LDLRAP1: variants seen among roughly 807,000 people sequenced by gnomAD.
The protein encoded by LDLRAP1 is low density lipoprotein receptor adapter protein 1.
LDLRAP1 carries 30 observed loss-of-function variants against 37.8 expected under a neutral mutation model. The observed-to-expected ratio is 0.79, with a 90% confidence interval of 0.59 to 1.08. The LOEUF (loss-of-function observed/expected upper bound fraction) is 1.08, where lower values mean the gene tolerates loss of function less well. LDLRAP1 is among the 50% of genes least tolerant of loss of function. The pLI is 0.00. For missense variants in LDLRAP1, 375 were observed against 401.6 expected (o/e 0.93, Z 0.57); for synonymous variants, 156 against 169.8 (o/e 0.92, Z 0.63).
At chr1:25,584,837 C>A in the LDLRAP1 span, among the ~76,000 whole-genome samples, 1 of 152,176 alleles carries the variant, frequency 6.6e-6, no homozygotes, top group African/African-American at 2.4e-5. Flanking sequence ...GCTCTGAACC[C>A]CAGCTGTCAA....
chr1:25,543,608 A>T lies in LDLRAP1; in HGVS notation c.-91A>T. 1.1e-6 allele frequency: 1 copy of T among 906,974 alleles called. No individual in the cohort carries two copies. The highest frequency in any genetic ancestry group is 1.4e-6 in the Non-Finnish European group (1 of 701,984). The allele number at this position is 906,974 out of a possible 1,614,324, so 56.2% of individuals were successfully genotyped here. A position where few individuals can be genotyped will look rare whatever the true frequency, so the allele number is the denominator to read the frequency against. ...GCGGAGCTGGCGCTGGGAGGGGAGGAGCGCGCAGCCCGCGCGCCGCAGGGC... is the reference window on the plus strand; with the variant it reads ...GCGGAGCTGGCGCTGGGAGGGGAGGTGCGCGCAGCCCGCGCGCCGCAGGGC... On this transcript the variant is annotated 5_prime_UTR_variant, in exon 1 of 9. Coordinates refer to ENST00000374338, the MANE Select transcript of LDLRAP1 (RefSeq NM_015627.3).
At chr1:25,556,010 G>A (rs1382896436) in intron 3 of LDLRAP1, among the ~76,000 whole-genome samples, 1 of 152,258 alleles carries the variant, frequency 6.6e-6, no homozygotes, top group East Asian at 1.9e-4. Context: ...AGAATAATAG[G>A]ATCTAGTTTG....
At chr1:25,559,561 T>G (rs2044293679) in intron 4 of LDLRAP1, among the ~76,000 whole-genome samples, 1 of 152,234 alleles carries the variant, frequency 6.6e-6, no homozygotes, top group Non-Finnish European at 1.5e-5. Context: ...CTTCTCAGGT[T>G]GGGTTGATGG....
chr1:25,569,309 G>A (rs555323829), downstream of LDLRAP1, among the ~76,000 whole-genome samples: 24 of 152,320 alleles, frequency 1.6e-4, no homozygotes, highest in African/African-American at 5.5e-4. Context: ...CTTGCTCCGG[G>A]CTGAACGTGG....
At chr1:25,589,793 C>T in the LDLRAP1 span, among the ~76,000 whole-genome samples, 1 of 152,104 alleles carries the variant, frequency 6.6e-6, no homozygotes, top group East Asian at 1.9e-4. Flanking sequence ...TTGTGTGGGC[C>T]AACTCCCATA....
downstream of LDLRAP1, among the ~76,000 whole-genome samples, chr1:25,573,538 G>A (rs1251695629): frequency 6.6e-6 from 1 of 152,170 alleles, no homozygotes; most frequent in East Asian, 1.9e-4. Flanking sequence ...GAGGGCACAG[G>A]GAAGGGAAGG....
intron 4 of LDLRAP1, among the ~76,000 whole-genome samples, chr1:25,559,283 G>C (rs1401254241): frequency 6.6e-6 from 1 of 152,174 alleles, no homozygotes; most frequent in Admixed American, 6.5e-5. Flanking sequence ...CTGGGTGGGA[G>C]GGGCCTTCGA....
At chr1:25,586,584 G>A in the LDLRAP1 span, among the ~76,000 whole-genome samples, 13 of 143,532 alleles carry the variant, frequency 9.1e-5, no homozygotes, top group Non-Finnish European at 1.8e-4. This position sits in a 1 kb window ranked among gnomAD's most constrained non-coding sequence, Gnocchi z 4.3. Context: ...GCGTGTGCGC[G>A]CGTGTGTGTG....
At chr1:25,548,544 T>C (rs1322362334) in intron 1 of LDLRAP1, among the ~76,000 whole-genome samples, 1 of 152,000 alleles carries the variant, frequency 6.6e-6, no homozygotes, top group Non-Finnish European at 1.5e-5. Flanking sequence ...GAGACAGTGT[T>C]TCACCATGTT....
chr1:25,562,591 G>A, intron 4 of LDLRAP1, 53 bp from the exon 5 acceptor site: 1 of 1,497,898 alleles, frequency 6.7e-7, no homozygotes, highest in Non-Finnish European at 9.3e-7. Flanking sequence ...GTGCAGACTT[G>A]CTCTGCCCTG....
chr1:25,574,223 G>A, the LDLRAP1 span, among the ~76,000 whole-genome samples: 445 of 152,288 alleles, frequency 2.9e-3, 2 homozygotes, highest in Non-Finnish European at 4.9e-3. Context: ...GGAAGGAGGT[G>A]GACTGGGAAA....
At chr1:25,556,296 C>T (rs919881398) in intron 3 of LDLRAP1, among the ~76,000 whole-genome samples, 7 of 152,122 alleles carry the variant, frequency 4.6e-5, no homozygotes, top group African/African-American at 1.7e-4. Flanking sequence ...GAGGAGGGAC[C>T]AGACAAGTGA....
chr1:25,551,084 A>G (rs897959955), intron 1 of LDLRAP1, among the ~76,000 whole-genome samples: 2 of 152,188 alleles, frequency 1.3e-5, no homozygotes, highest in African/African-American at 4.8e-5. Flanking sequence ...ACCTTGATCA[A>G]TTAGTATTGC....
the LDLRAP1 span, among the ~76,000 whole-genome samples, chr1:25,575,703 G>A: frequency 3.9e-5 from 6 of 152,310 alleles, no homozygotes; most frequent in East Asian, 3.9e-4. Context: ...CGGGACCGGC[G>A]TCTTGGGCCT....
chr1:25,576,835 C>A, the LDLRAP1 span, among the ~76,000 whole-genome samples: 1 of 152,276 alleles, frequency 6.6e-6, no homozygotes, highest in Non-Finnish European at 1.5e-5. Context: ...TGGCTAAGGT[C>A]ACACAGAAGG....
At chr1:25,565,394 C>G (rs553583780) in intron 8 of LDLRAP1, among the ~76,000 whole-genome samples, 187 bp downstream of exon 8, 1 of 152,300 alleles carries the variant, frequency 6.6e-6, no homozygotes, top group East Asian at 1.9e-4. Flanking sequence ...GAAACCCCTT[C>G]CAGCGTTGTC....
chr1:25,559,317 T>C (rs1485014901), intron 4 of LDLRAP1, among the ~76,000 whole-genome samples: 1 of 152,096 alleles, frequency 6.6e-6, no homozygotes, highest in African/African-American at 2.4e-5. Context: ...TCCTCTGGGA[T>C]GAGGGGTCTG....
chr1:25,586,339 C>T, the LDLRAP1 span, among the ~76,000 whole-genome samples: 1 of 152,134 alleles, frequency 6.6e-6, no homozygotes. This position sits in a 1 kb window ranked among gnomAD's most constrained non-coding sequence, Gnocchi z 4.3. Context: ...CTCCCTGTCC[C>T]TGCACTCATC....
chr1:25,583,960 A>G, the LDLRAP1 span, among the ~76,000 whole-genome samples: 1 of 152,206 alleles, frequency 6.6e-6, no homozygotes, highest in African/African-American at 2.4e-5. Context: ...AGCACATGCC[A>G]GTGCTTCGTG....
Sources: allele counts gnomAD v4.1 joint callset (sites outside exome capture counted in the v4.1 genomes callset), GRCh38; gene constraint gnomAD v4.1.1; non-coding constraint Gnocchi (gnomAD v3.1); transcripts MANE v1.5; gene names NCBI Gene and HGNC (gene_info 2026-07-23, HGNC 2026-07-21).